Variants in GRIN2B observed in about 807,000 individuals in gnomAD.
GRIN2B encodes glutamate ionotropic receptor NMDA type subunit 2B.
GRIN2B carries 5 observed loss-of-function variants against 114.5 expected under a neutral mutation model. The ratio of observed to expected loss-of-function variants is 0.04; its 90% CI spans 0.02 to 0.09. The LOEUF is 0.09. Among genes scored for constraint, GRIN2B ranks in the 10% least tolerant of loss-of-function variants. The pLI, the probability that GRIN2B is intolerant of heterozygous loss-of-function variation, is 1.00. For missense variants in GRIN2B, 1,108 were observed against 1,943.5 expected, an observed-to-expected ratio of 0.57 and a Z score of 8.08; for synonymous variants, 787 against 745.1, an observed-to-expected ratio of 1.06 and a Z score of -0.92.
intron 3 of GRIN2B, among the ~76,000 whole-genome samples, chr12:13,778,244 C>T (rs1396117161): frequency 1.3e-5 from 2 of 152,234 alleles, no homozygotes; most frequent in Non-Finnish European, 2.9e-5. Flanking sequence ...GCTTCTCCCA[C>T]TCTGAATCCC....
intron 2 of GRIN2B, among the ~76,000 whole-genome samples, chr12:13,941,431 G>C (rs1016353495): frequency 2.0e-5 from 3 of 152,116 alleles, no homozygotes; most frequent in Non-Finnish European, 2.9e-5. Context: ...TGGACAAAGG[G>C]ACAAGAAAAA....
intron 3 of GRIN2B, among the ~76,000 whole-genome samples, chr12:13,842,370 T>C (rs540020127): frequency 2.0e-5 from 3 of 152,362 alleles, no homozygotes; most frequent in African/African-American, 7.2e-5. Context: ...GCCCTTAAAA[T>C]GTCCAAGGTA....
intron 4 of GRIN2B, among the ~76,000 whole-genome samples, chr12:13,724,809 C>G (rs879611260): frequency 6.6e-6 from 1 of 152,054 alleles, no homozygotes; most frequent in Admixed American, 6.6e-5. Context: ...AAACTCCTTG[C>G]ACAAAGGCTA....
At chr12:13,809,081 G>C (rs544069353) in intron 3 of GRIN2B, among the ~76,000 whole-genome samples, 8 of 152,148 alleles carry the variant, frequency 5.3e-5, no homozygotes, top group Non-Finnish European at 8.8e-5. Context: ...GGCCTGTCCT[G>C]TGCATTGTAA....
At chr12:13,970,236 TA>T (rs1867852472) in intron 2 of GRIN2B, among the ~76,000 whole-genome samples, 1 of 152,176 alleles carries the variant, frequency 6.6e-6, no homozygotes, top group Non-Finnish European at 1.5e-5. Flanking sequence ...ATAGCATAAT[TA>T]GTGATGAGAG....
chr12:13,594,608 G>T (rs1042548129), intron 10 of GRIN2B, among the ~76,000 whole-genome samples: 1 of 151,568 alleles, frequency 6.6e-6, no homozygotes, highest in African/African-American at 2.4e-5. Flanking sequence ...AACCACCATG[G>T]CATGTGTATA....
chr12:13,602,759 G>A (rs1949178635), intron 10 of GRIN2B, among the ~76,000 whole-genome samples: 1 of 152,120 alleles, frequency 6.6e-6, no homozygotes, highest in Admixed American at 6.5e-5. Context: ...GTGTTACGTG[G>A]CCATCCTGAT....
chr12:13,594,017 G>A (rs1383117375), intron 10 of GRIN2B, among the ~76,000 whole-genome samples: 1 of 152,140 alleles, frequency 6.6e-6, no homozygotes, highest in African/African-American at 2.4e-5. Context: ...TAAAAAGTCA[G>A]GAAACAACAG....
chr12:13,740,674 A>T (rs1304587708), intron 4 of GRIN2B, among the ~76,000 whole-genome samples: 1 of 152,164 alleles, frequency 6.6e-6, no homozygotes, highest in Admixed American at 6.5e-5. Context: ...ATGCATCTGT[A>T]ATCTCCCTGA....
chr12:13,640,848 A>G (rs1186148305), intron 5 of GRIN2B, among the ~76,000 whole-genome samples: 1 of 152,084 alleles, frequency 6.6e-6, no homozygotes, highest in East Asian at 1.9e-4. Context: ...CCAAGTAACC[A>G]GAAGATAATG....
chr12:13,781,878 A>C (rs1022078509), intron 3 of GRIN2B, among the ~76,000 whole-genome samples: 1 of 152,200 alleles, frequency 6.6e-6, no homozygotes. Context: ...TGTTGAACTA[A>C]ATGACCCTTA....
intron 4 of GRIN2B, among the ~76,000 whole-genome samples, chr12:13,744,568 G>C (rs60154451): frequency 6.6e-6 from 1 of 152,126 alleles, no homozygotes; most frequent in Non-Finnish European, 1.5e-5. Context: ...TAAAGAAAGA[G>C]ACAGAAAAGA....
At chr12:13,637,644 T>C (rs1949677812) in intron 5 of GRIN2B, among the ~76,000 whole-genome samples, 1 of 152,148 alleles carries the variant, frequency 6.6e-6, no homozygotes, top group South Asian at 2.1e-4. Flanking sequence ...CACAGGGCCT[T>C]ACCTAAGCTA....
chr12:13,886,260 T>C (rs1866154799), intron 2 of GRIN2B, among the ~76,000 whole-genome samples: 1 of 152,208 alleles, frequency 6.6e-6, no homozygotes, highest in South Asian at 2.1e-4. Flanking sequence ...TAATTGGAAA[T>C]GTTTTAAAAG....
At chr12:13,924,015 G>A (rs984820637) in intron 2 of GRIN2B, among the ~76,000 whole-genome samples, 1 of 152,164 alleles carries the variant, frequency 6.6e-6, no homozygotes, top group African/African-American at 2.4e-5. Flanking sequence ...CAGTTTTGGA[G>A]AGAATGAAGA....
chr12:13,699,886 CTTT>C (rs5796554), intron 4 of GRIN2B, among the ~76,000 whole-genome samples: 11 of 145,856 alleles, frequency 7.5e-5, no homozygotes, highest in Middle Eastern at 3.6e-3. Context: ...CGCACCCAGC[CTTT>C]TTTTTTTTTT....
intron 4 of GRIN2B, among the ~76,000 whole-genome samples, chr12:13,749,605 C>T (rs1403999972): frequency 1.3e-5 from 2 of 152,198 alleles, no homozygotes; most frequent in African/African-American, 4.8e-5. Flanking sequence ...CCTGCTGTGG[C>T]TAAATGGTGT....
intron 3 of GRIN2B, among the ~76,000 whole-genome samples, chr12:13,855,049 G>GGAAAAAAAAAAAAA (rs57722937): frequency 6.8e-5 from 6 of 88,012 alleles, no homozygotes; most frequent in African/African-American, 2.9e-4. Context: ...CATCTCTACT[G>GGAAAAAAAAAAAAA]AAAAAAAAAA....
intron 12 of GRIN2B, among the ~76,000 whole-genome samples, chr12:13,569,205 G>T (rs1440076836): frequency 1.3e-5 from 2 of 152,116 alleles, no homozygotes; most frequent in Non-Finnish European, 2.9e-5. Flanking sequence ...CTTTCAGCTT[G>T]TTATGGGTTG....
Sources: allele counts gnomAD v4.1 joint callset (sites outside exome capture counted in the v4.1 genomes callset), GRCh38; gene constraint gnomAD v4.1.1; transcripts MANE v1.5; gene names NCBI Gene and HGNC (gene_info 2026-07-23, HGNC 2026-07-21).